The following KLRB1 variants were observed in gnomAD, a reference collection of about 807,000 sequenced individuals.
KLRB1 encodes killer cell lectin like receptor B1.
Under a neutral mutation model 33.5 loss-of-function variants are expected in KLRB1, and 27 were observed. That is an observed-to-expected ratio of 0.81 (90% CI 0.59 to 1.11). KLRB1 has a LOEUF of 1.11. Among genes scored for constraint, KLRB1 ranks in the 50% most tolerant of loss-of-function variants. The pLI is 0.00. For synonymous variants in KLRB1, 64 were observed against 88.9 expected (o/e 0.72, Z 1.58); for missense variants, 241 against 254.1 (o/e 0.95, Z 0.35).
At chr12:9,606,760 A>ATATTTTTTTTT (rs1336534922) in intron 1 of KLRB1, among the ~76,000 whole-genome samples, 3 of 63,744 alleles carry the variant, frequency 4.7e-5, no homozygotes, top group African/African-American at 8.3e-5. Context: ...ATATATATAT[A>ATATTTTTTTTT]TTTTTTTTTT....
At chr12:9,602,278 G>A (rs1864554346) in intron 1 of KLRB1, among the ~76,000 whole-genome samples, 1 of 152,114 alleles carries the variant, frequency 6.6e-6, no homozygotes. Flanking sequence ...GCTTTTCTCT[G>A]TAATCACATC....
In KLRB1 at chr12:9,605,059, A is replaced by G. The variant is rs137876685; in HGVS notation, c.85+2696T>C. The stretch of plus-strand genomic sequence containing the variant: ...TGTGTCCATGTGTTCTCATTGTTCA[A>G]TTCCCACTATGAGTGAGAATATGCG... On this transcript the variant is annotated intron_variant, in intron 1 of 5. Coordinates refer to ENST00000229402, the MANE Select transcript of KLRB1 (RefSeq NM_002258.3). Among the ~76,000 whole-genome samples the G allele has an allele frequency of 3.9e-3, 597 of 152,096 alleles. 9 individuals are homozygous for G. Among genetic ancestry groups the G allele is most frequent in the Admixed American group, 0.03 (458 of 15,262 alleles).
intron 5 of KLRB1, among the ~76,000 whole-genome samples, chr12:9,596,498 C>G (rs1469705053): frequency 6.6e-6 from 1 of 152,100 alleles, no homozygotes; most frequent in Non-Finnish European, 1.5e-5. Context: ...CCAAAATAAT[C>G]CTGTAAAAAA....
intron 2 of KLRB1, 135 bp from the exon 3 acceptor site, chr12:9,599,976 G>C: frequency 2.6e-6 from 1 of 382,974 alleles, no homozygotes; most frequent in Non-Finnish European, 4.4e-6. Flanking sequence ...TATTAGCGAA[G>C]TGGTAAAAAA....
intron 3 of KLRB1, among the ~76,000 whole-genome samples, chr12:9,599,056 A>G (rs1864516995): frequency 6.6e-6 from 1 of 152,240 alleles, no homozygotes; most frequent in Non-Finnish European, 1.5e-5. Flanking sequence ...AGGCAACAAT[A>G]TAAAACTCAT....
chr12:9,606,006 CTT>C (rs1864594996), intron 1 of KLRB1, among the ~76,000 whole-genome samples: 1 of 150,146 alleles, frequency 6.7e-6, no homozygotes, highest in Non-Finnish European at 1.5e-5. Context: ...AAGACTTACT[CTT>C]TTCTTTAAAA....
At chr12:9,604,375 C>A (rs1459426082) in intron 1 of KLRB1, among the ~76,000 whole-genome samples, 1 of 150,258 alleles carries the variant, frequency 6.7e-6, no homozygotes, top group African/African-American at 2.5e-5. Context: ...CTGGCGCCCA[C>A]TTCTGTTGGA....
intron 1 of KLRB1, among the ~76,000 whole-genome samples, chr12:9,606,882 G>A (rs781744688): frequency 8.7e-5 from 13 of 149,576 alleles, no homozygotes; most frequent in Admixed American, 2.0e-4. Context: ...TCAGCCTCCC[G>A]AGTAGCTAGG....
At chr12:9,598,688 A>G (rs779124839) in intron 3 of KLRB1, 35 bp from the exon 4 acceptor site, 12 of 1,522,376 alleles carry the variant, frequency 7.9e-6, no homozygotes, top group Non-Finnish European at 1.1e-5. Context: ...AATAAATGTT[A>G]TATTTCTAAC....
chr12:9,606,296 A>G (rs1864597554), intron 1 of KLRB1: 1 of 152,148 alleles, frequency 6.6e-6, no homozygotes, highest in South Asian at 2.1e-4. Flanking sequence ...AATGTGTCAT[A>G]ATAATTTCAT....
In KLRB1 at chr12:9,595,105, T is replaced by C. The variant is rs1864480925; in HGVS notation, c.*169A>G. 5.0e-6 allele frequency: 3 copies of C among 594,934 alleles called. No homozygotes were observed. The highest frequency in any genetic ancestry group is 2.3e-5 in the South Asian group (1 of 43,026). 36.9% of individuals were successfully genotyped at this position (594,934 alleles called of 1,614,324 possible). A position where few individuals can be genotyped will look rare whatever the true frequency, so the allele number is the denominator to read the frequency against. On this transcript the variant is annotated 3_prime_UTR_variant, in exon 6 of 6. Transcript: ENST00000229402. ...GTCTCTGTTTCCTCATTTAATAGAATGAATATGATAAACATGAACTTCTGT... is the reference window on the plus strand; with the variant it reads ...GTCTCTGTTTCCTCATTTAATAGAACGAATATGATAAACATGAACTTCTGT...
chr12:9,607,367 T>C (rs865904556), intron 1 of KLRB1, among the ~76,000 whole-genome samples: 40 of 80,606 alleles, frequency 5.0e-4, no homozygotes, highest in Admixed American at 9.4e-4. Flanking sequence ...TTTCTTTCTT[T>C]CTTTCTTTCT....
chr12:9,600,335 G>A (rs1864527317), intron 2 of KLRB1, among the ~76,000 whole-genome samples: 1 of 152,116 alleles, frequency 6.6e-6, no homozygotes, highest in Non-Finnish European at 1.5e-5. Flanking sequence ...GACTCTCAGG[G>A]CAGTTAGGAA....
intron 5 of KLRB1, among the ~76,000 whole-genome samples, chr12:9,596,942 A>G (rs956313746): frequency 2.0e-5 from 3 of 152,194 alleles, no homozygotes; most frequent in Non-Finnish European, 2.9e-5. Context: ...TTTTAAACAT[A>G]ATGTGTATGT....
chr12:9,601,719 A>T (rs1484767947), intron 1 of KLRB1, 120 bp from the exon 2 acceptor site: 1 of 659,520 alleles, frequency 1.5e-6, no homozygotes, highest in Non-Finnish European at 2.7e-6. Flanking sequence ...GGACAATTAG[A>T]TTCAGCTTGG....
chr12:9,603,424 TC>T (rs1864565364), intron 1 of KLRB1, among the ~76,000 whole-genome samples: 1 of 137,782 alleles, frequency 7.3e-6, no homozygotes, highest in African/African-American at 2.6e-5. Flanking sequence ...TTAACTTAAT[TC>T]TATTTATTTA....
chr12:9,604,206 C>T (rs747477021), intron 1 of KLRB1, among the ~76,000 whole-genome samples: 3 of 152,032 alleles, frequency 2.0e-5, no homozygotes, highest in Non-Finnish European at 2.9e-5. Flanking sequence ...TACAGGGGTC[C>T]GGCGGACGTT....
In KLRB1 at chr12:9,604,938, G is replaced by A. The variant is rs759386970; in HGVS notation, c.85+2817C>T. 4.2e-4 allele frequency among the ~76,000 whole-genome samples: 64 copies of A among 152,068 alleles called. 2 individuals are homozygous for A. Among genetic ancestry groups the A allele is most frequent in the Middle Eastern group, 6.8e-3 (2 of 294 alleles). ...TGTGCCATGTTGGTTTGTTGCACCC[G>A]TTAACTCGTCATTTACATTAGGTAT... is the stretch of plus-strand genomic sequence containing the variant. On this transcript the variant is annotated intron_variant, in intron 1 of 5. Transcript: ENST00000229402.
intron 1 of KLRB1, among the ~76,000 whole-genome samples, chr12:9,606,131 T>C (rs895027714): frequency 1.3e-5 from 2 of 152,208 alleles, no homozygotes; most frequent in African/African-American, 2.4e-5. Context: ...ACTTTCTTCT[T>C]GACTTAAAAC....
Sources: allele counts gnomAD v4.1 joint callset (sites outside exome capture counted in the v4.1 genomes callset), GRCh38; gene constraint gnomAD v4.1.1; transcripts MANE v1.5; gene names NCBI Gene and HGNC (gene_info 2026-07-23, HGNC 2026-07-21).